The following DGCR2 variants were observed in gnomAD, a reference collection of about 807,000 sequenced individuals.
DGCR2 encodes integral membrane protein DGCR2/IDD.
In DGCR2, 24 loss-of-function variants were observed where a neutral mutation model predicts 51.6. The observed-to-expected ratio is 0.47, with a 90% CI of 0.34 to 0.65. The LOEUF is 0.65. Among genes scored for constraint, DGCR2 ranks in the 30% least tolerant of loss-of-function variants. DGCR2 has a pLI of 0.01. For synonymous variants in DGCR2, 340 were observed against 315.4 expected, an observed-to-expected ratio of 1.08 and a Z score of -0.82; for missense variants, 765 against 772.1, an observed-to-expected ratio of 0.99 and a Z score of 0.11.
intron 2 of DGCR2, among the ~76,000 whole-genome samples, chr22:19,069,846 T>G (rs539248913): frequency 6.6e-6 from 1 of 152,282 alleles, no homozygotes; most frequent in African/African-American, 2.4e-5. Context: ...GTCAGGCATG[T>G]GATGGGGATG....
chr22:19,114,633 G>A (rs1004081369), intron 1 of DGCR2, among the ~76,000 whole-genome samples: 1 of 152,192 alleles, frequency 6.6e-6, no homozygotes, highest in African/African-American at 2.4e-5. Flanking sequence ...AGTTTCAATG[G>A]AGCATCTGGC....
intron 6 of DGCR2, among the ~76,000 whole-genome samples, chr22:19,051,510 T>C (rs1246635868): frequency 6.6e-6 from 1 of 152,114 alleles, no homozygotes; most frequent in African/African-American, 2.4e-5. Flanking sequence ...CACTTGAGCC[T>C]AGGAGTTGCG....
intron 6 of DGCR2, among the ~76,000 whole-genome samples, chr22:19,050,955 G>T (rs555287427): frequency 6.6e-6 from 1 of 152,090 alleles, no homozygotes; most frequent in African/African-American, 2.4e-5. Context: ...TTGTGAGGCC[G>T]AGGTAGGTGG....
rs1213341411 is a variant in DGCR2, at chr22:19,041,796, A to G, written c.1159+11T>C. 6.2e-7 allele frequency: 1 copy of G among 1,610,336 alleles called. No individual in the cohort carries two copies. The highest frequency in any genetic ancestry group is 2.2e-5 in the East Asian group (1 of 44,864). On this transcript the variant is annotated intron_variant, in intron 8 of 9. Transcript: ENST00000263196. Reference sequence around the variant, plus strand: ...TGGGGACCAGGGTTGTGGCCCTCAGAGGGCACTTACAGTTTGCTCCAATCA... The same window carrying G: ...TGGGGACCAGGGTTGTGGCCCTCAGGGGGCACTTACAGTTTGCTCCAATCA...
intron 1 of DGCR2, among the ~76,000 whole-genome samples, chr22:19,099,263 T>G (rs1477209620): frequency 6.6e-6 from 1 of 152,172 alleles, no homozygotes; most frequent in Non-Finnish European, 1.5e-5. Flanking sequence ...CAAACTGGCA[T>G]TGCTTTAGCT....
chr22:19,093,240 A>G (rs55818631), intron 1 of DGCR2, among the ~76,000 whole-genome samples: 2 of 152,104 alleles, frequency 1.3e-5, no homozygotes, highest in South Asian at 4.2e-4. Flanking sequence ...CATGCCTGTA[A>G]TCCCAGCTAC....
At chr22:19,109,797 T>C (rs1307510472) in intron 1 of DGCR2, among the ~76,000 whole-genome samples, 1 of 151,988 alleles carries the variant, frequency 6.6e-6, no homozygotes, top group African/African-American at 2.4e-5. Context: ...AAAAAAAAAC[T>C]GCGGTAGCAG....
intron 2 of DGCR2, among the ~76,000 whole-genome samples, chr22:19,082,230 T>C (rs1315658045): frequency 6.9e-6 from 1 of 144,060 alleles, no homozygotes; most frequent in South Asian, 2.3e-4. Context: ...TTCTTTTTTT[T>C]TTTTTTTTTT....
chr22:19,056,340 C>A (rs1474005167), intron 6 of DGCR2: 6 of 245,770 alleles, frequency 2.4e-5, no homozygotes, highest in South Asian at 8.7e-5. Flanking sequence ...AAGAGGACCA[C>A]CGTCAACAAG....
intron 4 of DGCR2, among the ~76,000 whole-genome samples, chr22:19,063,774 A>C (rs1038092506): frequency 6.6e-6 from 1 of 152,120 alleles, no homozygotes; most frequent in Non-Finnish European, 1.5e-5. Flanking sequence ...CTATGAGCTA[A>C]ACCGGTAAAG....
intron 6 of DGCR2, among the ~76,000 whole-genome samples, chr22:19,049,555 G>A (rs571165757): frequency 5.9e-5 from 9 of 152,230 alleles, no homozygotes; most frequent in South Asian, 4.2e-4. Context: ...AGCTGGGCGC[G>A]GTGGCTCACA....
intron 1 of DGCR2, among the ~76,000 whole-genome samples, chr22:19,108,941 G>A (rs1248018819): frequency 6.6e-6 from 1 of 152,074 alleles, no homozygotes; most frequent in African/African-American, 2.4e-5. Context: ...TGAGGCAGGA[G>A]GATCACTTGA....
chr22:19,048,141 GT>G (rs1200748064), intron 7 of DGCR2: 1 of 468,118 alleles, frequency 2.1e-6, no homozygotes, highest in African/African-American at 1.9e-5. Flanking sequence ...TTGAAGACAA[GT>G]TTGAAGCTGT....
intron 2 of DGCR2, among the ~76,000 whole-genome samples, chr22:19,077,073 TTC>T (rs2082886205): frequency 6.6e-6 from 1 of 152,204 alleles, no homozygotes; most frequent in African/African-American, 2.4e-5. Context: ...GCTGTGGGAA[TTC>T]TTTTTATATT....
intron 2 of DGCR2, among the ~76,000 whole-genome samples, chr22:19,080,272 T>C: frequency 6.6e-6 from 1 of 152,220 alleles, no homozygotes; most frequent in East Asian, 1.9e-4. Flanking sequence ...TTGCAGACTT[T>C]AAGTGCTGTC....
At position 19,103,284 on chromosome 22, in the gene DGCR2, T is replaced by TAA. The variant is rs361955; in HGVS notation, c.80-13796_80-13795dup. On this transcript the variant is annotated intron_variant, in intron 1 of 9. Coordinates refer to ENST00000263196, the MANE Select transcript of DGCR2 (RefSeq NM_005137.3). ...AGTATAGAGTTACCGTTTGGGATGATAAAAAAAAAAAAAAGTTCTGGAAAT... is the reference window on the plus strand; with the variant it reads ...AGTATAGAGTTACCGTTTGGGATGATAAAAAAAAAAAAAAAAGTTCTGGAAAT... Among the ~76,000 whole-genome samples the TAA allele has an allele frequency of 7.8e-4, 105 of 134,696 alleles. 1 individual carries two copies. Among genetic ancestry groups the TAA allele is most frequent in the African/African-American group, 1.9e-3 (68 of 36,248 alleles). 88.4% of individuals were successfully genotyped at this position (134,696 alleles called of 152,430 possible). A position where few individuals can be genotyped will look rare whatever the true frequency, so the allele number is the denominator to read the frequency against.
intron 2 of DGCR2, among the ~76,000 whole-genome samples, chr22:19,086,419 C>T (rs192928427): frequency 7.8e-4 from 119 of 152,232 alleles, no homozygotes; most frequent in African/African-American, 2.7e-3. Context: ...GCAGAGCTTG[C>T]AGTGAGCCCA....
intron 4 of DGCR2, among the ~76,000 whole-genome samples, 155 bp from the exon 5 acceptor site, chr22:19,063,433 G>A (rs886899817): frequency 3.3e-5 from 5 of 152,132 alleles, no homozygotes; most frequent in Admixed American, 6.5e-5. Context: ...TTGACTTCCT[G>A]GTTCAAGCAA....
Position 19,068,164 on chromosome 22 carries a change from C to T in DGCR2, c.264G>A (p.Arg88=). Residue 88 remains arginine (R), a synonymous_variant, in exon 3 of 10, where the codon CGG becomes CGA. Transcript: ENST00000263196. ...GKEAVDPRQG[R]ARGGDPSHFH... is the part of the protein sequence containing the mutation. ...AGTGCGAAGGGTCGCCTCCTCTGGCCCGCCCCTGCCGCGGATCCACAGCCT... is the reference window on the plus strand; with the variant it reads ...AGTGCGAAGGGTCGCCTCCTCTGGCTCGCCCCTGCCGCGGATCCACAGCCT... The T allele has an allele frequency of 6.2e-7, 1 of 1,611,478 alleles. No homozygotes were observed. Among genetic ancestry groups the T allele is most frequent in the Non-Finnish European group, 8.5e-7 (1 of 1,179,250 alleles).
Sources: gnomAD v4.1 joint callset for allele counts (sites outside exome capture counted in the v4.1 genomes callset) on GRCh38, gnomAD v4.1.1 for gene constraint, MANE v1.5 for transcripts, NCBI Gene and HGNC (gene_info 2026-07-23, HGNC 2026-07-21) for gene names.